Variants in BSN observed in about 807,000 individuals in gnomAD.
BSN encodes the protein protein bassoon.
BSN carries 57 observed loss-of-function variants against 264.8 expected under a neutral mutation model. The observed-to-expected ratio is 0.22, with a 90% confidence interval of 0.17 to 0.27. The LOEUF (loss-of-function observed/expected upper bound fraction) is 0.27. BSN is among the 10% of genes least tolerant of loss of function. The pLI is 1.00. For missense variants in BSN, 4,615 were observed against 5,232.5 expected (o/e 0.88, Z 3.64); for synonymous variants, 2,059 against 2,137.3 (o/e 0.96, Z 1.01).
intron 11 of BSN, among the ~76,000 whole-genome samples, chr3:49,666,229 T>C (rs1024387617): frequency 6.6e-6 from 1 of 152,184 alleles, no homozygotes; most frequent in South Asian, 2.1e-4. Context: ...AAGGGAGCCC[T>C]GGGGCTGGCA....
At chr3:49,568,111 T>TA (rs1324167136) in intron 1 of BSN, among the ~76,000 whole-genome samples, 3 of 152,226 alleles carry the variant, frequency 2.0e-5, no homozygotes, top group African/African-American at 7.2e-5. Flanking sequence ...TTCTGTTTAC[T>TA]AACACAGTCA....
intron 2 of BSN, among the ~76,000 whole-genome samples, chr3:49,635,445 G>C (rs1047756992): frequency 3.4e-4 from 51 of 152,026 alleles, no homozygotes; most frequent in Non-Finnish European, 1.6e-4. Flanking sequence ...TGCCTTGCTG[G>C]GTGGAGCAAA....
chr3:49,628,759 G>A (rs1442490959), intron 2 of BSN, among the ~76,000 whole-genome samples: 1 of 152,152 alleles, frequency 6.6e-6, no homozygotes, highest in Non-Finnish European at 1.5e-5. Flanking sequence ...GGGTTATTCT[G>A]GAGCAAAAGA....
chr3:49,598,649 C>T (rs977776002), intron 1 of BSN, among the ~76,000 whole-genome samples: 4 of 152,120 alleles, frequency 2.6e-5, no homozygotes, highest in African/African-American at 9.7e-5. Context: ...TGGAGTGATC[C>T]ACCCACCTCG....
At position 49,625,203 on chromosome 3, in the gene BSN, C is replaced by T. The variant is rs1263016534; in HGVS notation, c.453C>T (p.Thr151=). ...CAGTGTCACCGGACAGAGGCAGCACCCCCACATCACCCTACTCCGTCCCTC... is the reference window on the plus strand; with the variant it reads ...CAGTGTCACCGGACAGAGGCAGCACTCCCACATCACCCTACTCCGTCCCTC... ...SPSVSPDRGS[T]PTSPYSVPQI... is the part of the protein sequence containing the mutation. The change falls in exon 2 of 12, where the codon ACC becomes ACT. Residue 151 remains threonine (T), a synonymous_variant. Transcript: ENST00000296452. This position sits in a 1 kb window ranked among gnomAD's most constrained non-coding sequence, Gnocchi z 4.4. The T allele has an allele frequency of 6.4e-7, 1 of 1,556,702 alleles. No homozygotes were observed. Among genetic ancestry groups the T allele is most frequent in the East Asian group, 2.3e-5 (1 of 43,110 alleles).
chr3:49,643,457 T>C (rs764866503), intron 3 of BSN, among the ~76,000 whole-genome samples: 15 of 152,192 alleles, frequency 9.9e-5, no homozygotes, highest in Admixed American at 2.6e-4. Context: ...GGCATGGCCC[T>C]GATGAAAGAC....
In BSN at chr3:49,585,560, G is replaced by A. The variant is rs2051930247; in HGVS notation, c.224+30734G>A. 2.0e-5 allele frequency among the ~76,000 whole-genome samples: 3 copies of A among 152,174 alleles called. No homozygotes were observed. The highest frequency in any genetic ancestry group is 1.3e-4 in the Admixed American group (2 of 15,280). On this transcript the variant is annotated intron_variant, in intron 1 of 11. Transcript: ENST00000296452. This position sits in a 1 kb window ranked among gnomAD's most constrained non-coding sequence, Gnocchi z 4.7. ...CATCCTTGCCTCCTCCACCCGGTCC[G>A]CCGCCGGTTTCCTTGGAAGTTAAAT...
At position 49,653,634 on chromosome 3, in the gene BSN, C is replaced by T. The variant is rs776743603; in HGVS notation, c.4078C>T (p.Pro1360Ser). The T allele has an allele frequency of 6.2e-7, 1 of 1,613,836 alleles. No individual in the cohort carries two copies. Among genetic ancestry groups the T allele is most frequent in the Non-Finnish European group, 8.5e-7 (1 of 1,180,010 alleles). Reference protein sequence around the residue: ...TQDPLKLHSSPASPSSASKEI... With the variant: ...TQDPLKLHSSSASPSSASKEI... ...GGACCCCCTCAAGCTGCACAGCTCT[C>T]CTGCCTCCCCCAGCTCAGCCTCCAA... The change falls in exon 5 of 12, where the codon CCT becomes TCT. Residue 1360 changes from proline (P) to serine (S), a missense_variant. By Grantham distance (74) the Pro-to-Ser change is moderately conservative. This residue lies in a region of BSN where 3,415 missense variants were observed against 3,866.4 expected (regional missense o/e 0.88). Transcript: ENST00000296452. The surrounding 1 kb of genome is among the most constrained non-coding windows in gnomAD (Gnocchi z 6.3).
chr3:49,648,388 C>T (rs2052515635), intron 3 of BSN, among the ~76,000 whole-genome samples: 1 of 152,234 alleles, frequency 6.6e-6, no homozygotes, highest in Admixed American at 6.5e-5. Flanking sequence ...GCCCACTGGG[C>T]CTAGATCCTA....
In BSN at chr3:49,663,027, C is replaced by A; in HGVS notation, c.10869C>A (p.Pro3623=). The A allele has an allele frequency of 6.2e-7, 1 of 1,613,912 alleles. No individual in the cohort carries two copies. The highest frequency in any genetic ancestry group is 8.5e-7 in the Non-Finnish European group (1 of 1,180,026). ...ACAGCTACCATGACTACGATGAACC[C>A]CCTGAGGAGGGCCTGTGGCCTCATG... ...ARHSYHDYDE[P]PEEGLWPHDE... is the part of the protein sequence containing the mutation. Residue 3623 remains proline (P), a synonymous_variant, in exon 7 of 12, where the codon CCC becomes CCA. Coordinates refer to ENST00000296452, the MANE Select transcript of BSN (RefSeq NM_003458.4).
In BSN at chr3:49,651,729, C is replaced by T. The variant is rs1442514986; in HGVS notation, c.2173C>T (p.His725Tyr). The change falls in exon 5 of 12, where the codon CAC becomes TAC. Residue 725 changes from histidine to tyrosine, a missense_variant. Physicochemically the swap from His to Tyr is moderately conservative, Grantham distance 83. Transcript: ENST00000296452. This position sits in a 1 kb window ranked among gnomAD's most constrained non-coding sequence, Gnocchi z 5.4. ...GPHPPSPSEI[H>Y]KVGSSMRPLL... ...ACATCCACCCAGCCCCTCCGAGATC[C>T]ACAAGGTGGGGAGCAGCATGCGGCC... 1.9e-6 allele frequency: 3 copies of T among 1,612,560 alleles called. No individual in the cohort carries two copies. Among genetic ancestry groups the T allele is most frequent in the African/African-American group, 1.3e-5 (1 of 74,474 alleles).
rs2052125174 is a variant in BSN, at chr3:49,605,671, A to AAAT, written c.225-19304_225-19303insAAT. 3.8e-5 allele frequency among the ~76,000 whole-genome samples: 2 copies of AAAT among 52,362 alleles called. 1 individual carries two copies. Among genetic ancestry groups the AAAT allele is most frequent in the African/African-American group, 1.6e-4 (2 of 12,304 alleles). 34.4% of individuals were successfully genotyped at this position (52,362 alleles called of 152,430 possible). ...ATATATATTATATATAATATATATT[A>AAAT]CATATATGTAATATATATTATATAT... On this transcript the variant is annotated intron_variant, in intron 1 of 11. Transcript: ENST00000296452.
chr3:49,577,173 C>T lies in BSN; in HGVS notation c.224+22347C>T, dbSNP rs867452770. Among the ~76,000 whole-genome samples, 7 of 152,184 alleles carry T rather than the reference C, an allele frequency of 4.6e-5. No individual in the cohort carries two copies. The South Asian group carries it at 1.0e-3, about 22-fold the overall frequency. ...TTGGCTACTAATTATGTCCTGCTCC[C>T]GAATTTCTTCGCTATCTTGCTTGTT... On this transcript the variant is annotated intron_variant, in intron 1 of 11. Coordinates refer to ENST00000296452, the MANE Select transcript of BSN (RefSeq NM_003458.4).
chr3:49,657,132 G>A lies in BSN; in HGVS notation c.7576G>A (p.Val2526Met), dbSNP rs1297484131. The change falls in exon 5 of 12, where the codon GTG (valine) becomes ATG (methionine). Residue 2526 changes from valine to methionine, a missense_variant. Val to Met is a conservative substitution (Grantham distance 21). Around this residue, in one of 3 missense-constraint regions of BSN, gnomAD observed 3,415 missense variants for 3,866.4 expected, o/e 0.88. Transcript: ENST00000296452. Reference protein sequence around the residue: ...PEGLGQPREPVLHRGLPSSAS... With the variant: ...PEGLGQPREPMLHRGLPSSAS... The stretch of plus-strand genomic sequence containing the variant: ...AGGACTTGGGCAGCCTCGTGAGCCT[G>A]TGCTGCACCGGGGTCTCCCCAGCTC... 11 of 1,613,220 alleles carry A rather than the reference G, an allele frequency of 6.8e-6. No individual in the cohort carries two copies. The highest frequency in any genetic ancestry group is 9.3e-6 in the Non-Finnish European group (11 of 1,179,936).
chr3:49,605,446 ATTATATAATATATATT>A (rs2052109725), intron 1 of BSN, among the ~76,000 whole-genome samples: 2 of 27,126 alleles, frequency 7.4e-5, no homozygotes, highest in South Asian at 1.3e-3. Flanking sequence ...TATTATATAT[ATTATATAATATATATT>A]ATATATAATA....
intron 1 of BSN, among the ~76,000 whole-genome samples, chr3:49,599,397 G>A (rs930365629): frequency 6.6e-6 from 1 of 152,142 alleles, no homozygotes; most frequent in Non-Finnish European, 1.5e-5. Context: ...GAGGGTGGAT[G>A]TTGAGAAACC....
intron 1 of BSN, among the ~76,000 whole-genome samples, chr3:49,576,129 G>T (rs532033899): frequency 6.6e-6 from 1 of 152,194 alleles, no homozygotes; most frequent in African/African-American, 2.4e-5. Flanking sequence ...TTTTGGGGCT[G>T]TTGGGTACTC....
At chr3:49,628,811 C>T (rs1375196986) in intron 2 of BSN, among the ~76,000 whole-genome samples, 4 of 152,092 alleles carry the variant, frequency 2.6e-5, no homozygotes, top group Non-Finnish European at 5.9e-5. Flanking sequence ...AGCTTTCCCC[C>T]AGGGATTTGC....
chr3:49,660,012 C>T lies in BSN; in HGVS notation c.8641-474C>T, dbSNP rs2052639903. Among the ~76,000 whole-genome samples, 1 of 152,148 alleles carries T rather than the reference C, an allele frequency of 6.6e-6. No homozygotes were observed. The highest frequency in any genetic ancestry group is 2.1e-4 in the South Asian group (1 of 4,836). ...TACATGTGTCCCTTCCCATGATCCT[C>T]TAGGGAGCCTGGCGGGCCCAGGACC... On this transcript the variant is annotated intron_variant, in intron 5 of 11. Coordinates refer to ENST00000296452, the MANE Select transcript of BSN (RefSeq NM_003458.4). This position sits in a 1 kb window ranked among gnomAD's most constrained non-coding sequence, Gnocchi z 7.1.
Sources: gnomAD v4.1 joint callset for allele counts (sites outside exome capture counted in the v4.1 genomes callset) on GRCh38, gnomAD v4.1.1 for gene constraint, gnomAD v4.1.1 regional missense constraint, Gnocchi (gnomAD v3.1) non-coding constraint, MANE v1.5 for transcripts, NCBI Gene and HGNC (gene_info 2026-07-23, HGNC 2026-07-21) for gene names.